The following RASSF9 variants were observed in gnomAD, a reference collection of about 807,000 sequenced individuals.
RASSF9 encodes Ras association domain family member 9, also known as ras association domain-containing protein 9.
RASSF9 carries 18 observed loss-of-function variants against 21.4 expected under a neutral mutation model. The observed-to-expected ratio is 0.84, with a 90% confidence interval of 0.58 to 1.25. The LOEUF (loss-of-function observed/expected upper bound fraction) is 1.25, where lower values mean the gene tolerates loss of function less well. Ranked by LOEUF, RASSF9 falls within the 50% of genes most tolerant of loss-of-function variation. The pLI, the probability that RASSF9 is intolerant of heterozygous loss-of-function variation, is 0.00. For missense variants in RASSF9, 480 were observed against 503.2 expected (o/e 0.95, Z 0.44); for synonymous variants, 183 against 179.1 (o/e 1.02, Z -0.18).
intron 1 of RASSF9, among the ~76,000 whole-genome samples, chr12:85,831,452 C>A (rs1237795265): frequency 2.0e-5 from 3 of 151,924 alleles, no homozygotes; most frequent in Admixed American, 2.0e-4. Flanking sequence ...AAAAACAATT[C>A]AGGTTTAACC....
chr12:85,833,524 T>C (rs969991407), intron 1 of RASSF9, among the ~76,000 whole-genome samples: 1 of 151,950 alleles, frequency 6.6e-6, no homozygotes, highest in African/African-American at 2.4e-5. Context: ...TAAGCACATT[T>C]ATAGTACTAT....
intron 1 of RASSF9, among the ~76,000 whole-genome samples, chr12:85,833,008 C>A (rs1052559861): frequency 6.6e-6 from 1 of 151,248 alleles, no homozygotes; most frequent in South Asian, 2.1e-4. Flanking sequence ...GGCATACAAA[C>A]TTTTTAGGCT....
At position 85,801,685 on chromosome 12, in the gene RASSF9, G is replaced by C. The variant is rs1879707016; in HGVS notation, c.*3017C>G. 1 of 152,370 alleles carries C rather than the reference G, an allele frequency of 6.6e-6. No individual in the cohort carries two copies. The highest frequency in any genetic ancestry group is 1.5e-5 in the Non-Finnish European group (1 of 68,236). The allele number at this position is 152,370 out of a possible 1,614,324, so 9.4% of individuals were successfully genotyped here. A position where few individuals can be genotyped will look rare whatever the true frequency, so the allele number is the denominator to read the frequency against. The stretch of plus-strand genomic sequence containing the variant: ...AAAAAATTAGCCTGGCGTGGTGGCG[G>C]GCGCCTGTAGTCCCAGCTACTCAGG... On this transcript the variant is annotated 3_prime_UTR_variant, in exon 2 of 2. Transcript: ENST00000361228.
intron 1 of RASSF9, among the ~76,000 whole-genome samples, chr12:85,828,166 AATAT>A: frequency 6.6e-6 from 1 of 152,110 alleles, no homozygotes; most frequent in Non-Finnish European, 1.5e-5. Context: ...ACTCGATATA[AATAT>A]ATATGTGTGT....
At chr12:85,833,245 T>C (rs969768530) in intron 1 of RASSF9, among the ~76,000 whole-genome samples, 37 of 151,906 alleles carry the variant, frequency 2.4e-4, no homozygotes, top group African/African-American at 8.7e-4. Context: ...TGATGTCACA[T>C]GATGAATAGA....
rs554578768 is a variant in RASSF9, at chr12:85,802,763, T to A, written c.*1939A>T. On this transcript the variant is annotated 3_prime_UTR_variant, in exon 2 of 2. Coordinates refer to ENST00000361228, the MANE Select transcript of RASSF9 (RefSeq NM_005447.4). Reference sequence around the variant, plus strand: ...AATGGGTTTATCATTTACGATGATCTTCTGAATTTGATCCCCATTAGTGAA... The same window carrying A: ...AATGGGTTTATCATTTACGATGATCATCTGAATTTGATCCCCATTAGTGAA... The A allele has an allele frequency of 9.8e-5, 15 of 152,322 alleles. No individual in the cohort carries two copies. In the South Asian group the frequency reaches 3.1e-3, roughly 32 times the overall value. The allele number at this position is 152,322 out of a possible 1,614,324, so 9.4% of individuals were successfully genotyped here. A position where few individuals can be genotyped will look rare whatever the true frequency, so the allele number is the denominator to read the frequency against.
chr12:85,810,781 C>T (rs1475909806), intron 1 of RASSF9, among the ~76,000 whole-genome samples: 1 of 151,832 alleles, frequency 6.6e-6, no homozygotes, highest in African/African-American at 2.4e-5. Flanking sequence ...TTATGTAATA[C>T]CATGTAACAA....
At chr12:85,815,775 C>CT (rs1341285153) in intron 1 of RASSF9, among the ~76,000 whole-genome samples, 1 of 151,924 alleles carries the variant, frequency 6.6e-6, no homozygotes, top group Admixed American at 6.6e-5. Context: ...CATTGGCCCA[C>CT]TTTTTTATGG....
intron 1 of RASSF9, among the ~76,000 whole-genome samples, chr12:85,823,283 A>G (rs1592532110): frequency 6.6e-6 from 1 of 152,042 alleles, no homozygotes; most frequent in Non-Finnish European, 1.5e-5. Flanking sequence ...AAATCTCTTA[A>G]CTGCCACACC....
At chr12:85,831,225 A>T (rs1450008758) in intron 1 of RASSF9, among the ~76,000 whole-genome samples, 8 of 152,004 alleles carry the variant, frequency 5.3e-5, no homozygotes, top group Non-Finnish European at 1.0e-4. Flanking sequence ...TTATCATCAG[A>T]TCTCCTGGAA....
rs1238517535 is a variant in RASSF9 at position 85,828,001 on chromosome 12, A to C, written c.47+8154T>G. Among the ~76,000 whole-genome samples, 3 of 152,210 alleles carry C rather than the reference A, an allele frequency of 2.0e-5. No homozygotes were observed. The East Asian group carries it at 5.8e-4, about 29-fold the overall frequency. The stretch of plus-strand genomic sequence containing the variant: ...TATGGCACATACTACAAGGTAAATA[A>C]ATATTTATTATTCAACATATGGATT... On this transcript the variant is annotated intron_variant, in intron 1 of 1. Transcript: ENST00000361228.
At chr12:85,835,487 A>G (rs1472468758) in intron 1 of RASSF9, among the ~76,000 whole-genome samples, 1 of 151,890 alleles carries the variant, frequency 6.6e-6, no homozygotes, top group African/African-American at 2.4e-5. Context: ...AAATCAAAGT[A>G]AAACAGTAAT....
chr12:85,832,917 C>T (rs969442880), intron 1 of RASSF9, among the ~76,000 whole-genome samples: 2 of 151,820 alleles, frequency 1.3e-5, no homozygotes, highest in Non-Finnish European at 1.5e-5. Flanking sequence ...TAAAGATTAA[C>T]TCTCATTGTA....
intron 1 of RASSF9, among the ~76,000 whole-genome samples, chr12:85,828,115 C>A (rs1880372430): frequency 6.6e-6 from 1 of 152,080 alleles, no homozygotes; most frequent in Admixed American, 6.6e-5. Context: ...TCCTTAAAAA[C>A]CTAATCCATA....
At position 85,805,502 on chromosome 12, in the gene RASSF9, T is replaced by C. The variant is rs1480278905; in HGVS notation, c.508A>G (p.Lys170Glu). ...IVRKTFRKLA[K>E]IKQDTVSHDR... ...TGAGAAACTGTGTCCTGCTTAATTTTAGCCAGTTTCCGGAAAGTTTTCCTG... is the reference window on the plus strand; with the variant it reads ...TGAGAAACTGTGTCCTGCTTAATTTCAGCCAGTTTCCGGAAAGTTTTCCTG... Residue 170 changes from lysine to glutamate, a missense_variant, in exon 2 of 2, where the codon AAA becomes GAA. By Grantham distance (56) the Lys-to-Glu change is moderately conservative. Coordinates refer to ENST00000361228, the MANE Select transcript of RASSF9 (RefSeq NM_005447.4). The C allele has an allele frequency of 6.2e-7, 1 of 1,614,018 alleles. No homozygotes were observed.
chr12:85,812,196 C>A (rs958412458), intron 1 of RASSF9, among the ~76,000 whole-genome samples: 6 of 151,670 alleles, frequency 4.0e-5, no homozygotes, highest in African/African-American at 1.4e-4. Context: ...TATGCTACAA[C>A]TATATGTAGT....
chr12:85,825,951 C>G (rs188645017), intron 1 of RASSF9, among the ~76,000 whole-genome samples: 351 of 152,208 alleles, frequency 2.3e-3, no homozygotes, highest in African/African-American at 8.3e-3. Context: ...GCCTGACAGC[C>G]CTGACTGGGA....
intron 1 of RASSF9, among the ~76,000 whole-genome samples, chr12:85,822,549 G>A (rs925442329): frequency 5.3e-5 from 8 of 152,124 alleles, no homozygotes; most frequent in African/African-American, 1.9e-4. Flanking sequence ...ACTCTATTTT[G>A]TTAAGGAAAA....
intron 1 of RASSF9, among the ~76,000 whole-genome samples, chr12:85,817,826 C>T (rs1880109977): frequency 6.6e-6 from 1 of 152,046 alleles, no homozygotes; most frequent in African/African-American, 2.4e-5. Flanking sequence ...CTAAGCATTA[C>T]TAGAAATCAT....
Sources: allele counts gnomAD v4.1 joint callset (sites outside exome capture counted in the v4.1 genomes callset), GRCh38; gene constraint gnomAD v4.1.1; transcripts MANE v1.5; gene names NCBI Gene and HGNC (gene_info 2026-07-23, HGNC 2026-07-21).